The following TNNI3K variants were observed in gnomAD, a reference collection of about 807,000 sequenced individuals.
TNNI3K encodes serine/threonine-protein kinase TNNI3K.
In TNNI3K, 140 loss-of-function variants were observed where a neutral mutation model predicts 114.5. The observed-to-expected ratio is 1.22, with a 90% confidence interval of 1.07 to 1.41. TNNI3K has a LOEUF of 1.41. Among genes scored for constraint, TNNI3K ranks in the 40% most tolerant of loss-of-function variants. The pLI is 0.00. For synonymous variants in TNNI3K, 347 were observed against 347.5 expected (o/e 1.00, Z 0.02); for missense variants, 1,125 against 1,007.6 (o/e 1.12, Z -1.58).
chr1:74,485,905 A>G (rs1383022348), intron 21 of TNNI3K, among the ~76,000 whole-genome samples: 2 of 152,122 alleles, frequency 1.3e-5, no homozygotes, highest in African/African-American at 4.8e-5. Context: ...CGCTTAAAAG[A>G]GGCCTTGAGC....
intron 21 of TNNI3K, among the ~76,000 whole-genome samples, chr1:74,466,032 T>C (rs1485539296): frequency 6.6e-6 from 1 of 152,172 alleles, no homozygotes; most frequent in Non-Finnish European, 1.5e-5. Context: ...ACGCTGTGTT[T>C]ATGAGCTGTA....
At position 74,354,000 on chromosome 1, in the gene TNNI3K, C is replaced by G; in HGVS notation, c.1048C>G (p.His350Asp). 1 of 1,613,640 alleles carries G rather than the reference C, an allele frequency of 6.2e-7. No individual in the cohort carries two copies. Among genetic ancestry groups the G allele is most frequent in the Non-Finnish European group, 8.5e-7 (1 of 1,179,826 alleles). Residue 350 changes from histidine to aspartate, a missense_variant, in exon 11 of 25, where the codon CAC (histidine) becomes GAC (aspartate). Coordinates refer to ENST00000326637, the MANE Select transcript of TNNI3K (RefSeq NM_015978.3). ...TACAGGATTACACTCTGCTTGCTAC[C>G]ACGGTCACATTCGCCTGGTTCAGTT... ...GHTGLHSACY[H>D]GHIRLVQFLL... is the part of the protein sequence containing the mutation.
At chr1:74,370,497 C>G (rs887405792) in intron 17 of TNNI3K, 105 bp downstream of exon 17, 20 of 975,128 alleles carry the variant, frequency 2.1e-5, no homozygotes, top group Non-Finnish European at 2.7e-5. Context: ...TCAGGGTACT[C>G]TGTGGTTAAG....
chr1:74,506,355 A>C (rs1459501323), intron 23 of TNNI3K, among the ~76,000 whole-genome samples: 1 of 152,174 alleles, frequency 6.6e-6, no homozygotes, highest in Non-Finnish European at 1.5e-5. Flanking sequence ...AGAAAGTATA[A>C]ATGGCCTGCC....
chr1:74,342,222 C>T (rs1166223491), intron 7 of TNNI3K, among the ~76,000 whole-genome samples: 1 of 152,126 alleles, frequency 6.6e-6, no homozygotes, highest in African/African-American at 2.4e-5. Context: ...GAGAAGGACA[C>T]ATGTCTACTA....
At chr1:74,270,502 C>T (rs552484692) in intron 4 of TNNI3K, among the ~76,000 whole-genome samples, 17 of 151,772 alleles carry the variant, frequency 1.1e-4, no homozygotes, top group Admixed American at 3.9e-4. Context: ...GGTAGAAAAA[C>T]GGGAAGATTT....
intron 23 of TNNI3K, among the ~76,000 whole-genome samples, chr1:74,527,931 C>G (rs936714670): frequency 6.6e-6 from 1 of 151,990 alleles, no homozygotes; most frequent in Admixed American, 6.6e-5. Flanking sequence ...GGTGTCAGAA[C>G]AAAAGTGGGA....
At position 74,310,971 on chromosome 1, in the gene TNNI3K, A is replaced by G. The variant is rs45533936; in HGVS notation, c.445-20479A>G. On this transcript the variant is annotated intron_variant, in intron 5 of 24. Coordinates refer to ENST00000326637, the MANE Select transcript of TNNI3K (RefSeq NM_015978.3). Reference sequence around the variant, plus strand: ...TCACTGTACTTTCCTCTCAGTACTTACAGACAAAACAGAGCTAACCTTAAG... The same window carrying G: ...TCACTGTACTTTCCTCTCAGTACTTGCAGACAAAACAGAGCTAACCTTAAG... 2.2e-3 allele frequency among the ~76,000 whole-genome samples: 338 copies of G among 152,304 alleles called. 1 individual carries two copies. The highest frequency in any genetic ancestry group is 7.7e-3 in the African/African-American group (320 of 41,562).
intron 17 of TNNI3K, among the ~76,000 whole-genome samples, chr1:74,410,229 T>C (rs1201181742): frequency 1.3e-5 from 2 of 152,180 alleles, no homozygotes; most frequent in African/African-American, 4.8e-5. Flanking sequence ...TTGCCATTTA[T>C]AGAATCCCAT....
chr1:74,238,799 G>A, intron 2 of TNNI3K, among the ~76,000 whole-genome samples: 1 of 152,010 alleles, frequency 6.6e-6, no homozygotes, highest in Non-Finnish European at 1.5e-5. Context: ...TAAGGAAGCT[G>A]AGGAGAGGAT....
chr1:74,479,999 G>A (rs568388341), intron 21 of TNNI3K, among the ~76,000 whole-genome samples: 52 of 152,308 alleles, frequency 3.4e-4, no homozygotes, highest in African/African-American at 1.2e-3. Context: ...CTTGCAACCT[G>A]TGCCAAATCA....
intron 4 of TNNI3K, among the ~76,000 whole-genome samples, chr1:74,251,421 GTATT>G (rs1268222761): frequency 5.9e-5 from 9 of 151,736 alleles, no homozygotes; most frequent in African/African-American, 1.9e-4. Flanking sequence ...TTTCTACTTT[GTATT>G]TATTATGAGC....
intron 23 of TNNI3K, among the ~76,000 whole-genome samples, chr1:74,503,324 G>T (rs542451861): frequency 1.0e-3 from 159 of 152,202 alleles, no homozygotes; most frequent in African/African-American, 3.4e-3. Flanking sequence ...AAACCAAAAA[G>T]GGTCTTTGGC....
chr1:74,268,587 AT>A (rs5775229), intron 4 of TNNI3K, among the ~76,000 whole-genome samples: 151,497 of 151,898 alleles, frequency 1, 75,550 homozygotes, highest in Non-Finnish European at 1. Context: ...TCAAATCAAT[AT>A]TTTATTTGGA....
intron 2 of TNNI3K, among the ~76,000 whole-genome samples, chr1:74,243,226 A>G (rs1031248400): frequency 1.2e-4 from 18 of 152,322 alleles, no homozygotes; most frequent in Non-Finnish European, 2.2e-4. Flanking sequence ...ACTTCACAGT[A>G]TTAGTTTGCA....
chr1:74,271,340 T>C (rs1416879365), intron 4 of TNNI3K, among the ~76,000 whole-genome samples: 3 of 151,934 alleles, frequency 2.0e-5, no homozygotes, highest in Non-Finnish European at 4.4e-5. Flanking sequence ...AGTCTCACCA[T>C]AGGTAATGTC....
intron 20 of TNNI3K, among the ~76,000 whole-genome samples, chr1:74,462,988 A>G (rs1570651934): frequency 6.6e-6 from 1 of 152,200 alleles, no homozygotes. Context: ...AAAAAAATCT[A>G]CTTTGCTCAA....
rs762999235 is a variant in TNNI3K, at chr1:74,331,468, CAACATGGAG to C, written c.464_472del (p.Gln155_Ala158delinsPro). 5.0e-6 allele frequency: 8 copies of C among 1,613,378 alleles called. No homozygotes were observed. The highest frequency in any genetic ancestry group is 5.9e-6 in the Non-Finnish European group (7 of 1,179,738). ...TGTCCAGGCTGCTGATGTGCTGTTG[CAACATGGAG>C]CTAATGTCAATATTCAAGATGCAGT... On this transcript the variant is annotated inframe_deletion, in exon 6 of 25. Transcript: ENST00000326637.
chr1:74,372,300 T>C (rs1239619423), intron 17 of TNNI3K: 1 of 151,776 alleles, frequency 6.6e-6, no homozygotes, highest in Non-Finnish European at 1.5e-5. Flanking sequence ...TAAAGTCCCA[T>C]GCTCATGTCT....
Sources: allele counts gnomAD v4.1 joint callset (sites outside exome capture counted in the v4.1 genomes callset), GRCh38; gene constraint gnomAD v4.1.1; transcripts MANE v1.5; gene names NCBI Gene and HGNC (gene_info 2026-07-23, HGNC 2026-07-21).